The following BICRA variants were observed in gnomAD, a reference collection of about 807,000 sequenced individuals.
BICRA encodes the protein BRD4 interacting chromatin remodeling complex associated protein.
A neutral mutation model predicts 96.9 loss-of-function variants in BICRA; 31 were observed. That is an observed-to-expected ratio of 0.32 (90% CI 0.24 to 0.43). The LOEUF is 0.43. Among genes scored for constraint, BICRA ranks in the 20% least tolerant of loss-of-function variants. The pLI, the probability that BICRA is intolerant of heterozygous loss-of-function variation, is 1.00. For missense variants in BICRA, 2,283 were observed against 2,190.3 expected (o/e 1.04, Z -0.84); for synonymous variants, 1,350 against 1,071.8 (o/e 1.26, Z -5.07).
At chr19:47,683,653 C>T (rs955664245) in intron 7 of BICRA, among the ~76,000 whole-genome samples, 3 of 150,772 alleles carry the variant, frequency 2.0e-5, no homozygotes, top group Non-Finnish European at 4.4e-5. Context: ...GTCGCGATCT[C>T]TGCTCACTGC....
In BICRA at chr19:47,702,030, C is replaced by G. The variant is rs1449389931; in HGVS notation, c.4298C>G (p.Ala1433Gly). 6.7e-7 allele frequency: 1 copy of G among 1,490,112 alleles called. No homozygotes were observed. 92.3% of individuals were successfully genotyped at this position (1,490,112 alleles called of 1,614,324 possible). A position where few individuals can be genotyped will look rare whatever the true frequency, so the allele number is the denominator to read the frequency against. ...EATSGLIREL[A>G]AVEDELYQRM... ...ACCAGCGGGCTCATCCGCGAGCTGG[C>G]GGCCGTGGAGGACGAGCTGTACCAG... The change falls in exon 15 of 15, where the codon GCG becomes GGG. Residue 1433 changes from alanine (A) to glycine (G), a missense_variant. Ala to Gly is a moderately conservative substitution (Grantham distance 60). Coordinates refer to ENST00000594866, the MANE Select transcript of BICRA (RefSeq NM_001394372.1).
intron 1 of BICRA, among the ~76,000 whole-genome samples, chr19:47,616,222 A>C (rs1971982266): frequency 6.6e-6 from 1 of 152,194 alleles, no homozygotes; most frequent in Admixed American, 6.5e-5. Flanking sequence ...GCGCCCAAAA[A>C]ATGTGAGTGG....
intron 1 of BICRA, among the ~76,000 whole-genome samples, chr19:47,617,980 A>T (rs1042617390): frequency 6.6e-6 from 1 of 152,190 alleles, no homozygotes; most frequent in African/African-American, 2.4e-5. Flanking sequence ...GGCCCATTTC[A>T]TAGGTTGGGA....
At chr19:47,613,814 G>A (rs1971945889) in intron 1 of BICRA, among the ~76,000 whole-genome samples, 1 of 152,082 alleles carries the variant, frequency 6.6e-6, no homozygotes, top group Non-Finnish European at 1.5e-5. Context: ...GTTGACTGAA[G>A]CTTTTGTGTC....
At chr19:47,620,773 C>T (rs1348376178) in intron 1 of BICRA, among the ~76,000 whole-genome samples, 4 of 151,898 alleles carry the variant, frequency 2.6e-5, no homozygotes, top group South Asian at 2.1e-4. Flanking sequence ...GACCAAACTC[C>T]TGGGAATCCC....
chr19:47,694,194 GC>G lies in BICRA; in HGVS notation c.2368del (p.His790ThrfsTer52). ...CCTCACCAGGCCCCTCTGGGGGACA[GC>G]CCCCACCTGCCCTCCCCACACCCCA... ...SLPHQAPLGD[S>X]PHLPSPHPTR... On this transcript the variant is annotated frameshift_variant, in exon 8 of 15. Transcript: ENST00000594866. LOFTEE classifies it high-confidence loss of function. 4 of 1,426,642 alleles carry G rather than the reference GC, an allele frequency of 2.8e-6. No homozygotes were observed. The highest frequency in any genetic ancestry group is 2.8e-6 in the Non-Finnish European group (3 of 1,066,744). The allele number at this position is 1,426,642 out of a possible 1,614,324, so 88.4% of individuals were successfully genotyped here.
chr19:47,679,692 C>A lies in BICRA; in HGVS notation c.522C>A (p.Thr174=), dbSNP rs1972999773. ...TGCTGGGGCTGCAGGGCCCGCCTAC[C>A]GTGCTGACCCACCAGGCCCTGGTGC... The part of the protein sequence containing the change: ...TDLLGLQGPP[T]VLTHQALVPP... The change falls in exon 6 of 15, where the codon ACC becomes ACA. Residue 174 remains threonine, a synonymous_variant. Transcript: ENST00000594866. The A allele has an allele frequency of 2.6e-6, 4 of 1,528,602 alleles. No homozygotes were observed. The highest frequency in any genetic ancestry group is 2.6e-6 in the Non-Finnish European group (3 of 1,139,904). 94.7% of individuals were successfully genotyped at this position (1,528,602 alleles called of 1,614,324 possible).
intron 2 of BICRA, among the ~76,000 whole-genome samples, 180 bp from the exon 3 acceptor site, chr19:47,673,384 CTGGTCA>C (rs1972894519): frequency 6.6e-6 from 1 of 152,042 alleles, no homozygotes; most frequent in Non-Finnish European, 1.5e-5. Flanking sequence ...GACCCTGTCC[CTGGTCA>C]GGGGTTTCTG....
intron 1 of BICRA, among the ~76,000 whole-genome samples, chr19:47,631,871 A>G (rs1972226807): frequency 6.6e-6 from 1 of 152,144 alleles, no homozygotes; most frequent in South Asian, 2.1e-4. Flanking sequence ...CTGGTCTCAA[A>G]GTCGTGACCT....
rs1241780448 is a variant in BICRA, at chr19:47,694,157, T to A, written c.2326T>A (p.Ser776Thr). 19 of 1,375,196 alleles carry A rather than the reference T, an allele frequency of 1.4e-5. No homozygotes were observed. The highest frequency in any genetic ancestry group is 1.8e-5 in the Non-Finnish European group (19 of 1,041,382). 85.2% of individuals were successfully genotyped at this position (1,375,196 alleles called of 1,614,324 possible). A position where few individuals can be genotyped will look rare whatever the true frequency, so the allele number is the denominator to read the frequency against. Reference sequence around the variant, plus strand: ...GCTGAAGGGCCCAGGCCCCTCTTCGTCCCCGTCACTACCTCACCAGGCCCC... The same window carrying A: ...GCTGAAGGGCCCAGGCCCCTCTTCGACCCCGTCACTACCTCACCAGGCCCC... Reference protein sequence around the residue: ...APLKGPGPSSSPSLPHQAPLG... With the variant: ...APLKGPGPSSTPSLPHQAPLG... Residue 776 changes from serine to threonine, a missense_variant, in exon 8 of 15, where the codon TCC (serine) becomes ACC (threonine). By Grantham distance (58) the Ser-to-Thr change is moderately conservative (BLOSUM62 1). Coordinates refer to ENST00000594866, the MANE Select transcript of BICRA (RefSeq NM_001394372.1).
intron 10 of BICRA, among the ~76,000 whole-genome samples, chr19:47,696,072 AC>A (rs1190955701): frequency 2.0e-5 from 3 of 151,940 alleles, no homozygotes; most frequent in African/African-American, 7.3e-5. Context: ...GGGGGGCGAA[AC>A]GACAGGAGCC....
At position 47,681,065 on chromosome 19, in the gene BICRA, G is replaced by A; in HGVS notation, c.1895G>A (p.Ser632Asn). ...QPAPQAPPAV[S>N]TPLPLGLQQP... ...GCCCCCCAGGCGCCCCCCGCGGTCA[G>A]CACACCCCTGCCCCTGGGCCTCCAG... Residue 632 changes from serine to asparagine, a missense_variant, in exon 6 of 15, where the codon AGC becomes AAC. By Grantham distance (46) the Ser-to-Asn change is conservative (BLOSUM62 1). Transcript: ENST00000594866. 7.0e-7 allele frequency: 1 copy of A among 1,421,128 alleles called. No individual in the cohort carries two copies. The highest frequency in any genetic ancestry group is 9.2e-7 in the Non-Finnish European group (1 of 1,089,912). The allele number at this position is 1,421,128 out of a possible 1,614,324, so 88.0% of individuals were successfully genotyped here.
At chr19:47,691,291 A>G (rs896459157) in intron 7 of BICRA, among the ~76,000 whole-genome samples, 2 of 152,236 alleles carry the variant, frequency 1.3e-5, no homozygotes, top group African/African-American at 4.8e-5. Context: ...TCAGGATGGG[A>G]GCCGCAGGCT....
Position 47,698,751 on chromosome 19 carries a change from C to A in BICRA, c.3366C>A (p.Gly1122=), listed in dbSNP as rs371897707. ...HRLLPYHVYQ[G]ALPSPSDYHK... ...TCCTGCCCTACCATGTCTACCAGGG[C>A]GCCCTCCCCTCCCCCAGTGACTACC... The change falls in exon 12 of 15, where the codon GGC becomes GGA. Residue 1122 remains glycine (G), a synonymous_variant. Coordinates refer to ENST00000594866, the MANE Select transcript of BICRA (RefSeq NM_001394372.1). The surrounding 1 kb of genome is among the most constrained non-coding windows in gnomAD (Gnocchi z 4.8). 1 of 1,609,796 alleles carries A rather than the reference C, an allele frequency of 6.2e-7. No homozygotes were observed.
intron 2 of BICRA, among the ~76,000 whole-genome samples, chr19:47,671,607 G>T (rs889448410): frequency 2.6e-5 from 4 of 151,968 alleles, no homozygotes; most frequent in Non-Finnish European, 5.9e-5. Flanking sequence ...GGAAGGAGGG[G>T]TGTTTGGATG....
chr19:47,648,278 C>T (rs1972491893), intron 1 of BICRA, among the ~76,000 whole-genome samples: 1 of 151,996 alleles, frequency 6.6e-6, no homozygotes. Context: ...TCCAGCTGAC[C>T]AATCCCTGGG....
intron 1 of BICRA, among the ~76,000 whole-genome samples, chr19:47,630,123 G>C (rs796465858): frequency 7.0e-6 from 1 of 142,672 alleles, no homozygotes; most frequent in Non-Finnish European, 1.5e-5. Context: ...TCAGCACCTC[G>C]TTACCTCTAT....
intron 2 of BICRA, among the ~76,000 whole-genome samples, chr19:47,672,090 T>G (rs2123575167): frequency 9.9e-6 from 1 of 101,246 alleles, no homozygotes; most frequent in African/African-American, 4.0e-5. Flanking sequence ...GATGGAGGGA[T>G]CGGTAGGTAG....
intron 1 of BICRA, among the ~76,000 whole-genome samples, chr19:47,660,465 A>AT (rs1335040979): frequency 6.6e-6 from 1 of 152,126 alleles, no homozygotes; most frequent in Non-Finnish European, 1.5e-5. Flanking sequence ...ATGTTTACAT[A>AT]TTTTTTGTGG....
Sources: allele counts gnomAD v4.1 joint callset (sites outside exome capture counted in the v4.1 genomes callset), GRCh38; gene constraint gnomAD v4.1.1; non-coding constraint Gnocchi (gnomAD v3.1); transcripts MANE v1.5; gene names NCBI Gene and HGNC (gene_info 2026-07-23, HGNC 2026-07-21).